PABPC4L: variants seen among roughly 807,000 people sequenced by gnomAD.
PABPC4L encodes poly(A) binding protein cytoplasmic 4 like.
For missense variants in PABPC4L, 452 were observed against 451.4 expected (o/e 1.00, Z -0.01); for synonymous variants, 169 against 164.1 (o/e 1.03, Z -0.23).
the PABPC4L span, among the ~76,000 whole-genome samples, chr4:133,973,784 T>A: frequency 7.9e-4 from 121 of 152,344 alleles, no homozygotes; most frequent in Non-Finnish European, 1.3e-3. Context: ...AACAGTCAGC[T>A]GCCATTGTTT....
At chr4:134,024,007 TTAAG>T in the PABPC4L span, among the ~76,000 whole-genome samples, 1 of 152,130 alleles carries the variant, frequency 6.6e-6, no homozygotes, top group African/African-American at 2.4e-5. Flanking sequence ...CAAAAATACA[TTAAG>T]TAGTTTGTAT....
At chr4:134,097,907 C>A in the PABPC4L span, among the ~76,000 whole-genome samples, 2 of 151,752 alleles carry the variant, frequency 1.3e-5, no homozygotes, top group South Asian at 4.1e-4. Flanking sequence ...CTTACTCCTG[C>A]GGTTTTGTCA....
At chr4:134,019,974 C>T in the PABPC4L span, among the ~76,000 whole-genome samples, 1 of 152,098 alleles carries the variant, frequency 6.6e-6, no homozygotes, top group African/African-American at 2.4e-5. Flanking sequence ...CACCCACTCA[C>T]CTATCAAGTG....
chr4:134,012,179 C>A, the PABPC4L span, among the ~76,000 whole-genome samples: 1 of 152,178 alleles, frequency 6.6e-6, no homozygotes, highest in Admixed American at 6.5e-5. Flanking sequence ...CCTAGCTATA[C>A]AATTTTTTAA....
At chr4:134,140,194 G>T in the PABPC4L span, among the ~76,000 whole-genome samples, 1 of 151,676 alleles carries the variant, frequency 6.6e-6, no homozygotes, top group Non-Finnish European at 1.5e-5. Flanking sequence ...TGGTATTCTA[G>T]AAATTTACTA....
At chr4:134,101,512 T>C in the PABPC4L span, among the ~76,000 whole-genome samples, 1 of 151,412 alleles carries the variant, frequency 6.6e-6, no homozygotes. Flanking sequence ...ATGGGTATTT[T>C]ACTTGGATAG....
chr4:134,097,300 A>T, the PABPC4L span, among the ~76,000 whole-genome samples: 1 of 151,958 alleles, frequency 6.6e-6, no homozygotes, highest in Admixed American at 6.6e-5. Flanking sequence ...AAAGAAATTC[A>T]TGTTACATCC....
chr4:134,153,966 A>T, the PABPC4L span, among the ~76,000 whole-genome samples: 1 of 151,740 alleles, frequency 6.6e-6, no homozygotes, highest in Non-Finnish European at 1.5e-5. Flanking sequence ...AACATTTCAA[A>T]CAATTCCAAA....
chr4:134,162,129 C>A, the PABPC4L span, among the ~76,000 whole-genome samples: 1 of 151,696 alleles, frequency 6.6e-6, no homozygotes, highest in East Asian at 1.9e-4. Context: ...GAGAAAATAA[C>A]TTTTAAACAA....
At chr4:134,151,995 G>T in the PABPC4L span, among the ~76,000 whole-genome samples, 1 of 151,484 alleles carries the variant, frequency 6.6e-6, no homozygotes, top group African/African-American at 2.4e-5. Context: ...TATCAATTTA[G>T]ATATTATTAT....
At chr4:134,103,101 T>C in the PABPC4L span, among the ~76,000 whole-genome samples, 5 of 151,556 alleles carry the variant, frequency 3.3e-5, no homozygotes, top group African/African-American at 1.2e-4. Context: ...CGATACTTAA[T>C]TTCTTAAAGT....
chr4:134,064,131 T>A, the PABPC4L span, among the ~76,000 whole-genome samples: 2 of 152,158 alleles, frequency 1.3e-5, no homozygotes, highest in South Asian at 4.1e-4. Context: ...TAAATATTTA[T>A]AATGTGTAAT....
the PABPC4L span, among the ~76,000 whole-genome samples, chr4:134,030,930 C>G: frequency 8.6e-4 from 131 of 152,028 alleles, 1 homozygote; most frequent in African/African-American, 3.1e-3. Flanking sequence ...TGTTTAGTGA[C>G]CTAAACATTA....
chr4:134,043,898 A>C, the PABPC4L span, among the ~76,000 whole-genome samples: 1 of 148,274 alleles, frequency 6.7e-6, no homozygotes, highest in Non-Finnish European at 1.5e-5. Context: ...TATATGCTGT[A>C]TATATATGTG....
In PABPC4L at chr4:134,197,416, G is replaced by A. The variant is rs887339800; in HGVS notation, c.*2491C>T. Reference sequence around the variant, plus strand: ...ATTGTGTGGGTGTATATATATTTGTGTGAATATATGTATTTAAAGTGTTCA... The same window carrying A: ...ATTGTGTGGGTGTATATATATTTGTATGAATATATGTATTTAAAGTGTTCA... On this transcript the variant is annotated 3_prime_UTR_variant, in exon 2 of 2. Transcript: ENST00000421491. 5 of 151,588 alleles carry A rather than the reference G, an allele frequency of 3.3e-5. No homozygotes were observed. Among genetic ancestry groups the A allele is most frequent in the Admixed American group, 6.6e-5 (1 of 15,222 alleles). 9.4% of individuals were successfully genotyped at this position (151,588 alleles called of 1,614,324 possible).
chr4:134,180,850 C>T, the PABPC4L span, among the ~76,000 whole-genome samples: 2 of 151,736 alleles, frequency 1.3e-5, no homozygotes, highest in Admixed American at 6.6e-5. Context: ...AATCCTTGAA[C>T]AGATCAATAA....
chr4:134,199,656 A>G lies in PABPC4L; in HGVS notation c.*251T>C, dbSNP rs1729780692. On this transcript the variant is annotated 3_prime_UTR_variant, in exon 2 of 2. Coordinates refer to ENST00000421491, the MANE Select transcript of PABPC4L (RefSeq NM_001114734.2). ...ATATCTATTTATACTTATTGCTATG[A>G]ACATATCAAAATAAGAAAAATGTGC... The G allele has an allele frequency of 2.2e-6, 1 of 462,562 alleles. No individual in the cohort carries two copies. The highest frequency in any genetic ancestry group is 2.0e-5 in the African/African-American group (1 of 50,164). 28.7% of individuals were successfully genotyped at this position (462,562 alleles called of 1,614,324 possible).
the PABPC4L span, among the ~76,000 whole-genome samples, chr4:134,133,428 G>A: frequency 1.4e-5 from 2 of 142,222 alleles, no homozygotes; most frequent in South Asian, 2.1e-4. Context: ...TATATTATAT[G>A]TATATATTAA....
chr4:134,037,183 A>C, the PABPC4L span, among the ~76,000 whole-genome samples: 13 of 152,200 alleles, frequency 8.5e-5, no homozygotes, highest in Middle Eastern at 3.4e-3. Flanking sequence ...TTCTGTAAAA[A>C]ATATATTGGT....
Sources: gnomAD v4.1 joint callset for allele counts (sites outside exome capture counted in the v4.1 genomes callset) on GRCh38, gnomAD v4.1.1 for gene constraint, MANE v1.5 for transcripts, NCBI Gene and HGNC (gene_info 2026-07-23, HGNC 2026-07-21) for gene names.